The following ERC1 variants were observed in gnomAD, a reference collection of about 807,000 sequenced individuals.
ERC1 encodes the protein RAB6 interacting protein 2.
In ERC1, 56 loss-of-function variants were observed where a neutral mutation model predicts 132.0. The observed-to-expected ratio is 0.42, with a 90% CI of 0.34 to 0.53. ERC1 has a LOEUF of 0.53. Among genes scored for constraint, ERC1 ranks in the 20% least tolerant of loss-of-function variants. The pLI, the probability that ERC1 is intolerant of heterozygous loss-of-function variation, is 0.03. For synonymous variants in ERC1, 478 were observed against 476.1 expected, an observed-to-expected ratio of 1.00 and a Z score of -0.05; for missense variants, 1,202 against 1,349.9, an observed-to-expected ratio of 0.89 and a Z score of 1.72.
chr12:1,114,272 C>T (rs145557280), intron 6 of ERC1, among the ~76,000 whole-genome samples: 5 of 152,248 alleles, frequency 3.3e-5, no homozygotes, highest in Non-Finnish European at 5.9e-5. Context: ...CCACCCGCCT[C>T]GGCCTTCCAA....
chr12:1,422,131 C>T lies in ERC1; in HGVS notation c.3024+13884C>T, dbSNP rs376062448. 3.9e-4 allele frequency among the ~76,000 whole-genome samples: 59 copies of T among 152,288 alleles called. 3 individuals carry two copies. In the South Asian group the frequency reaches 9.5e-3, roughly 25 times the overall value. On this transcript the variant is annotated intron_variant, in intron 17 of 18. Coordinates refer to ENST00000360905, the MANE Select transcript of ERC1 (RefSeq NM_178040.4). ...TCTTACAGAGATGGTTTCAGTCCCCCGTGGGGGTCAGCTTGCAGAGGGACT... is the reference window on the plus strand; with the variant it reads ...TCTTACAGAGATGGTTTCAGTCCCCTGTGGGGGTCAGCTTGCAGAGGGACT...
At chr12:1,190,232 A>G (rs1031479885) in intron 12 of ERC1, 180 bp downstream of exon 12, 2 of 741,096 alleles carry the variant, frequency 2.7e-6, no homozygotes, top group African/African-American at 1.7e-5. Context: ...GGTGTCTGAA[A>G]GGCAACATAG....
chr12:1,109,961 C>G (rs760627375), intron 4 of ERC1, among the ~76,000 whole-genome samples: 1 of 152,168 alleles, frequency 6.6e-6, no homozygotes, highest in Non-Finnish European at 1.5e-5. Context: ...GGCAGGAGAA[C>G]TGCTTGAACC....
chr12:1,185,198 C>T (rs1175119426), intron 11 of ERC1, among the ~76,000 whole-genome samples: 1 of 151,952 alleles, frequency 6.6e-6, no homozygotes, highest in African/African-American at 2.4e-5. Context: ...CATGAGCCAC[C>T]ACACCTGGCC....
At chr12:1,147,719 T>C (rs914557221) in intron 8 of ERC1, among the ~76,000 whole-genome samples, 3 of 152,180 alleles carry the variant, frequency 2.0e-5, no homozygotes, top group African/African-American at 7.2e-5. Context: ...TTATTGCAGT[T>C]GTGGAGTTTG....
In ERC1 at chr12:1,494,791, C is replaced by T. The variant is rs1214774468; in HGVS notation, c.*4561C>T. ...TGTTGAGATTATTAAAAGATTAAAA[C>T]GTAGTTGTAGAAATGAAAAATTAAA... On this transcript the variant is annotated 3_prime_UTR_variant, in exon 19 of 19. Transcript: ENST00000360905. 3.5e-5 allele frequency: 8 copies of T among 229,546 alleles called. No homozygotes were observed. Among genetic ancestry groups the T allele is most frequent in the Non-Finnish European group, 5.2e-5 (6 of 115,816 alleles). 14.2% of individuals were successfully genotyped at this position (229,546 alleles called of 1,614,324 possible). A position where few individuals can be genotyped will look rare whatever the true frequency, so the allele number is the denominator to read the frequency against.
chr12:1,127,443 T>G (rs977755079), intron 7 of ERC1, among the ~76,000 whole-genome samples: 24 of 152,060 alleles, frequency 1.6e-4, no homozygotes, highest in African/African-American at 5.8e-4. Context: ...CATGGAATAC[T>G]GTACAAAAGT....
intron 12 of ERC1, among the ~76,000 whole-genome samples, chr12:1,235,028 C>G (rs1460909820): frequency 6.6e-6 from 1 of 152,090 alleles, no homozygotes; most frequent in Non-Finnish European, 1.5e-5. Context: ...GTGGAAATGT[C>G]ACAAAATTGT....
In ERC1 at chr12:1,141,725, A is replaced by G; in HGVS notation, c.1675A>G (p.Ile559Val). 1 of 1,613,290 alleles carries G rather than the reference A, an allele frequency of 6.2e-7. No homozygotes were observed. The highest frequency in any genetic ancestry group is 8.5e-7 in the Non-Finnish European group (1 of 1,179,500). Residue 559 changes from isoleucine to valine, a missense_variant, in exon 8 of 19, where the codon ATA (isoleucine) becomes GTA (valine). Physicochemically the swap from Ile to Val is conservative, Grantham distance 29. Transcript: ENST00000360905. ...AEEKGTQAGE[I>V]HDLKDMLDVK... ...AGAGAAGGGGACACAAGCTGGAGAGATACATGACCTCAAGGACATGTTGGA... is the reference window on the plus strand; with the variant it reads ...AGAGAAGGGGACACAAGCTGGAGAGGTACATGACCTCAAGGACATGTTGGA...
At chr12:1,190,094 T>G (rs751032008) in intron 12 of ERC1, 42 bp downstream of exon 12, 57 of 1,539,880 alleles carry the variant, frequency 3.7e-5, no homozygotes, top group Middle Eastern at 3.4e-4. Context: ...GGTTAAAGTA[T>G]GGTTTTAAAA....
chr12:1,279,004 A>C (rs1252269101), intron 14 of ERC1, among the ~76,000 whole-genome samples: 1 of 152,150 alleles, frequency 6.6e-6, no homozygotes, highest in Admixed American at 6.5e-5. Flanking sequence ...TTGGAGTGTA[A>C]ATTAGTTGGA....
intron 12 of ERC1, among the ~76,000 whole-genome samples, chr12:1,200,801 G>A (rs549761450): frequency 2.0e-4 from 30 of 151,992 alleles, no homozygotes; most frequent in East Asian, 1.6e-3. Flanking sequence ...CTCGTGATCC[G>A]CCCGCCTCGG....
chr12:1,015,382 A>T (rs984522249), intron 1 of ERC1, among the ~76,000 whole-genome samples: 4 of 151,598 alleles, frequency 2.6e-5, no homozygotes, highest in Non-Finnish European at 5.9e-5. Flanking sequence ...TCTTTTTTTT[A>T]AATTAGGATT....
intron 15 of ERC1, among the ~76,000 whole-genome samples, chr12:1,305,447 G>T (rs2080806717): frequency 6.6e-6 from 1 of 152,026 alleles, no homozygotes; most frequent in African/African-American, 2.4e-5. Context: ...CTCCTCCTGA[G>T]CCCCAGTCCT....
intron 7 of ERC1, among the ~76,000 whole-genome samples, chr12:1,123,866 G>A (rs1325119146): frequency 7.9e-5 from 12 of 152,160 alleles, no homozygotes; most frequent in African/African-American, 1.4e-4. Context: ...GTGGTGGCAC[G>A]CACCTGTAGT....
chr12:1,386,968 A>C (rs1004028578), intron 16 of ERC1: 1 of 152,266 alleles, frequency 6.6e-6, no homozygotes, highest in African/African-American at 2.4e-5. Flanking sequence ...GCCTTGAGTC[A>C]GAGGATTGTT....
At chr12:1,388,936 C>G (rs935704953) in intron 16 of ERC1, among the ~76,000 whole-genome samples, 1 of 152,204 alleles carries the variant, frequency 6.6e-6, no homozygotes, top group Non-Finnish European at 1.5e-5. Context: ...TATGAGGAAG[C>G]TGCCCTCCAT....
At chr12:1,139,155 G>T (rs922157679) in intron 7 of ERC1, among the ~76,000 whole-genome samples, 1 of 152,174 alleles carries the variant, frequency 6.6e-6, no homozygotes, top group Non-Finnish European at 1.5e-5. Flanking sequence ...GAAAATTCCA[G>T]AAAAGAACAG....
chr12:1,161,173 T>C (rs1236323237), intron 8 of ERC1, among the ~76,000 whole-genome samples: 1 of 151,926 alleles, frequency 6.6e-6, no homozygotes, highest in African/African-American at 2.4e-5. Context: ...CTCTCAGGAG[T>C]CCCAGAATTA....
Sources: gnomAD v4.1 joint callset for allele counts (sites outside exome capture counted in the v4.1 genomes callset) on GRCh38, gnomAD v4.1.1 for gene constraint, MANE v1.5 for transcripts, NCBI Gene and HGNC (gene_info 2026-07-23, HGNC 2026-07-21) for gene names.